The following SHROOM3 variants were observed in gnomAD, a reference collection of about 807,000 sequenced individuals.
The protein encoded by SHROOM3 is protein Shroom3.
SHROOM3 carries 47 observed loss-of-function variants against 138.6 expected under a neutral mutation model. That is an observed-to-expected ratio of 0.34 (90% CI 0.27 to 0.43). The LOEUF (loss-of-function observed/expected upper bound fraction) is 0.43. Among genes scored for constraint, SHROOM3 ranks in the 20% least tolerant of loss-of-function variants. The probability of loss-of-function intolerance (pLI) is 1.00; values close to 1 mark genes in which losing one functional copy is unlikely to be tolerated. For synonymous variants in SHROOM3, 1,062 were observed against 1,063.3 expected (o/e 1.00, Z 0.02); for missense variants, 2,491 against 2,596.5 (o/e 0.96, Z 0.88).
At chr4:76,515,724 A>G (rs1233756990) in intron 1 of SHROOM3, among the ~76,000 whole-genome samples, 1 of 152,186 alleles carries the variant, frequency 6.6e-6, no homozygotes, top group Non-Finnish European at 1.5e-5. Flanking sequence ...TAAAAACCAT[A>G]TAAACTCAAG....
chr4:76,449,338 G>A (rs963862531), intron 1 of SHROOM3, among the ~76,000 whole-genome samples: 5 of 152,128 alleles, frequency 3.3e-5, no homozygotes, highest in Admixed American at 3.3e-4. Flanking sequence ...AAGAAAAGTG[G>A]ATACATAACT....
At chr4:76,630,084 G>T (rs1363586666) in intron 2 of SHROOM3, among the ~76,000 whole-genome samples, 1 of 152,144 alleles carries the variant, frequency 6.6e-6, no homozygotes, top group Non-Finnish European at 1.5e-5. Flanking sequence ...CAGTAGCACT[G>T]CACCAATCAT....
In SHROOM3 at chr4:76,597,630, G is replaced by A. The variant is rs17002119; in HGVS notation, c.323+41867G>A. ...AGCAGGAGCCAGTGAAGGACAAAACGTTCAGTGACAGATCTATTAGTGAAC... is the reference window on the plus strand; with the variant it reads ...AGCAGGAGCCAGTGAAGGACAAAACATTCAGTGACAGATCTATTAGTGAAC... On this transcript the variant is annotated intron_variant, in intron 2 of 10. Transcript: ENST00000296043. Among the ~76,000 whole-genome samples, 1,285 of 152,260 alleles carry A rather than the reference G, an allele frequency of 8.4e-3. 20 individuals carry two copies. The highest frequency in any genetic ancestry group is 0.03 in the African/African-American group (1,239 of 41,544).
chr4:76,612,139 A>G (rs1438871591), intron 2 of SHROOM3, among the ~76,000 whole-genome samples: 1 of 152,148 alleles, frequency 6.6e-6, no homozygotes, highest in African/African-American at 2.4e-5. Flanking sequence ...ATTTGGAGGT[A>G]TATTTTTCCA....
chr4:76,488,148 G>C (rs1001267127), intron 1 of SHROOM3, among the ~76,000 whole-genome samples: 2 of 152,058 alleles, frequency 1.3e-5, no homozygotes, highest in Non-Finnish European at 2.9e-5. Flanking sequence ...AGTATTGAAG[G>C]CAAATTGTTT....
chr4:76,574,605 A>C (rs748429700), intron 2 of SHROOM3, among the ~76,000 whole-genome samples: 1 of 152,208 alleles, frequency 6.6e-6, no homozygotes, highest in Non-Finnish European at 1.5e-5. Context: ...CATAAACTCA[A>C]ATCATTTTGT....
chr4:76,567,361 C>G (rs987915267), intron 2 of SHROOM3, among the ~76,000 whole-genome samples: 1 of 152,116 alleles, frequency 6.6e-6, no homozygotes, highest in African/African-American at 2.4e-5. Context: ...ATGGTGAAAC[C>G]CCGTCTCAGC....
intron 2 of SHROOM3, among the ~76,000 whole-genome samples, chr4:76,681,394 G>A (rs1376399789): frequency 4.6e-5 from 7 of 151,838 alleles, no homozygotes; most frequent in African/African-American, 1.5e-4. Context: ...CACTTAGCAT[G>A]TTTGCTGGGT....
intron 2 of SHROOM3, among the ~76,000 whole-genome samples, chr4:76,647,197 T>C (rs1435885411): frequency 6.6e-6 from 1 of 152,170 alleles, no homozygotes; most frequent in Non-Finnish European, 1.5e-5. Flanking sequence ...CACTCATATG[T>C]GGGGGCTAAA....
At chr4:76,692,631 A>G (rs1056791462) in intron 2 of SHROOM3, among the ~76,000 whole-genome samples, 26 of 152,206 alleles carry the variant, frequency 1.7e-4, no homozygotes, top group South Asian at 1.0e-3. Flanking sequence ...CAACAGGAAA[A>G]TGGGTAAAGA....
At chr4:76,500,628 TC>T (rs1732070971) in intron 1 of SHROOM3, among the ~76,000 whole-genome samples, 1 of 152,198 alleles carries the variant, frequency 6.6e-6, no homozygotes, top group African/African-American at 2.4e-5. Context: ...GTATTTTCTG[TC>T]CTTTTCATTT....
intron 2 of SHROOM3, 72 bp from the exon 3 acceptor site, chr4:76,710,084 T>C (rs552025010): frequency 6.2e-7 from 1 of 1,609,006 alleles, no homozygotes; most frequent in South Asian, 1.1e-5. Flanking sequence ...CTTTTTCGGT[T>C]TTTAAGATTC....
intron 2 of SHROOM3, among the ~76,000 whole-genome samples, chr4:76,691,714 A>T (rs1719547053): frequency 6.6e-6 from 1 of 151,980 alleles, no homozygotes; most frequent in South Asian, 2.1e-4. Context: ...AGTTTTCTCC[A>T]CTTTTAACCT....
intron 1 of SHROOM3, among the ~76,000 whole-genome samples, chr4:76,486,729 G>T (rs950764253): frequency 2.0e-5 from 3 of 152,170 alleles, no homozygotes; most frequent in Admixed American, 2.0e-4. Context: ...CGCTCTCTAT[G>T]GTTGTACAAT....
intron 1 of SHROOM3, among the ~76,000 whole-genome samples, chr4:76,554,952 G>A (rs1560544170): frequency 6.6e-6 from 1 of 151,650 alleles, no homozygotes; most frequent in Non-Finnish European, 1.5e-5. Context: ...CTACACATGC[G>A]AGGGATCTAG....
At chr4:76,711,349 A>G (rs1720222879) in intron 3 of SHROOM3, among the ~76,000 whole-genome samples, 1 of 152,214 alleles carries the variant, frequency 6.6e-6, no homozygotes, top group Non-Finnish European at 1.5e-5. Flanking sequence ...TGTGCCTACT[A>G]TGTCATGAGT....
In SHROOM3 at chr4:76,754,430, G is replaced by A. The variant is rs1256037435; in HGVS notation, c.3947G>A (p.Cys1316Tyr). 6.2e-7 allele frequency: 1 copy of A among 1,614,130 alleles called. No individual in the cohort carries two copies. Among genetic ancestry groups the A allele is most frequent in the East Asian group, 2.2e-5 (1 of 44,886 alleles). ...GGTGATTCCTCCGTTCCTAGTGAAT[G>A]TCCTGGAACCCTGGACCATCAGAGG... ...AIGDSSVPSE[C>Y]PGTLDHQRQA... Residue 1316 changes from cysteine (C) to tyrosine (Y), a missense_variant, in exon 7 of 11, where the codon TGT becomes TAT. This residue lies in a region of SHROOM3 where 1,733 missense variants were observed against 1,661.6 expected (regional missense o/e 1.04). Coordinates refer to ENST00000296043, the MANE Select transcript of SHROOM3 (RefSeq NM_020859.4).
At chr4:76,506,896 TC>T (rs1171074447) in intron 1 of SHROOM3, among the ~76,000 whole-genome samples, 2 of 152,150 alleles carry the variant, frequency 1.3e-5, no homozygotes, top group Admixed American at 6.6e-5. Flanking sequence ...ATACTTCCTT[TC>T]CCCCATTTAT....
At chr4:76,560,385 A>C (rs1039546415) in intron 2 of SHROOM3, among the ~76,000 whole-genome samples, 5 of 152,150 alleles carry the variant, frequency 3.3e-5, no homozygotes, top group African/African-American at 1.2e-4. Context: ...GCTGGGGTTA[A>C]TTGCTGTGTA....
Sources: allele counts gnomAD v4.1 joint callset (sites outside exome capture counted in the v4.1 genomes callset), GRCh38; gene constraint gnomAD v4.1.1; regional missense constraint gnomAD v4.1.1; transcripts MANE v1.5; gene names NCBI Gene and HGNC (gene_info 2026-07-23, HGNC 2026-07-21).